NRXN3: variants seen among roughly 807,000 people sequenced by gnomAD.
The protein encoded by NRXN3 is neurexin 3.
In NRXN3, 32 loss-of-function variants were observed where a neutral mutation model predicts 137.6. That is an observed-to-expected ratio of 0.23 (90% CI 0.18 to 0.31). The LOEUF is 0.31. Ranked by LOEUF, NRXN3 falls within the 10% of genes least tolerant of loss-of-function variation. The pLI, the probability that NRXN3 is intolerant of heterozygous loss-of-function variation, is 1.00. For synonymous variants in NRXN3, 798 were observed against 784.5 expected (o/e 1.02, Z -0.29); for missense variants, 1,574 against 2,062.5 (o/e 0.76, Z 4.59).
intron 20 of NRXN3, among the ~76,000 whole-genome samples, chr14:79,825,206 CTTTT>C (rs11449914): frequency 5.9e-5 from 7 of 117,816 alleles, no homozygotes; most frequent in Non-Finnish European, 1.2e-4. Context: ...TCTTTGTGTG[CTTTT>C]TTTTTTTTTT....
chr14:78,501,514 T>A (rs2095875818), intron 4 of NRXN3, among the ~76,000 whole-genome samples: 1 of 152,170 alleles, frequency 6.6e-6, no homozygotes, highest in Non-Finnish European at 1.5e-5. Context: ...GGAAGTTATG[T>A]CCCATCACTT....
intron 15 of NRXN3, among the ~76,000 whole-genome samples, chr14:79,008,711 T>A (rs1594857916): frequency 6.8e-6 from 1 of 147,990 alleles, no homozygotes; most frequent in Admixed American, 6.9e-5. Flanking sequence ...TAGGCAGGAG[T>A]GAAGTGATGT....
At chr14:78,460,074 T>A (rs140979528) in intron 4 of NRXN3, among the ~76,000 whole-genome samples, 2 of 152,344 alleles carry the variant, frequency 1.3e-5, no homozygotes, top group East Asian at 3.9e-4. Flanking sequence ...AACGCTTTAT[T>A]TACATCTACC....
intron 19 of NRXN3, among the ~76,000 whole-genome samples, chr14:79,778,819 G>C (rs1343394124): frequency 1.3e-5 from 2 of 152,140 alleles, no homozygotes; most frequent in African/African-American, 4.8e-5. Context: ...TTTTAGATTT[G>C]TTCAGGGTTT....
At chr14:78,262,649 AGTTT>A (rs370913942) in intron 2 of NRXN3, among the ~76,000 whole-genome samples, 17 of 151,304 alleles carry the variant, frequency 1.1e-4, no homozygotes, top group African/African-American at 4.1e-4. Context: ...CACCTGCCAC[AGTTT>A]GTTTTCTCGG....
At chr14:79,091,302 G>T (rs150461439) in intron 15 of NRXN3, among the ~76,000 whole-genome samples, 86 of 152,252 alleles carry the variant, frequency 5.6e-4, no homozygotes, top group African/African-American at 2.0e-3. Context: ...GGAATGTCAA[G>T]ATAAGAAATT....
chr14:78,942,298 A>AT (rs2099354624), intron 10 of NRXN3, among the ~76,000 whole-genome samples: 1 of 152,226 alleles, frequency 6.6e-6, no homozygotes, highest in African/African-American at 2.4e-5. Flanking sequence ...AGGCTCACCT[A>AT]TAACCTTCAG....
intron 15 of NRXN3, among the ~76,000 whole-genome samples, chr14:79,257,580 A>ATGGTGGTGGTGGTGGTGGTGGTGT (rs2076948075): frequency 3.1e-5 from 1 of 32,654 alleles, no homozygotes; most frequent in African/African-American, 1.2e-4. Context: ...GGTGGTGGTG[A>ATGGTGGTGGTGGTGGTGGTGGTGT]TGGTAATGAT....
At chr14:79,757,246 TAAAG>T (rs1439547040) in intron 19 of NRXN3, among the ~76,000 whole-genome samples, 3 of 151,686 alleles carry the variant, frequency 2.0e-5, no homozygotes, top group Non-Finnish European at 4.4e-5. Flanking sequence ...GGAAAGCAAA[TAAAG>T]ATAGTTGTAA....
chr14:79,515,252 C>T (rs1400094637), intron 16 of NRXN3, among the ~76,000 whole-genome samples: 2 of 150,504 alleles, frequency 1.3e-5, no homozygotes, highest in Non-Finnish European at 2.9e-5. Flanking sequence ...AGGTGGACTG[C>T]CACAGGCAAC....
At chr14:79,373,945 G>A (rs2094186544) in intron 15 of NRXN3, among the ~76,000 whole-genome samples, 1 of 152,064 alleles carries the variant, frequency 6.6e-6, no homozygotes, top group Admixed American at 6.6e-5. Flanking sequence ...AAAACGTCAT[G>A]TTTCAGAGCT....
chr14:79,024,116 G>A (rs1479451675), intron 15 of NRXN3, among the ~76,000 whole-genome samples: 2 of 152,156 alleles, frequency 1.3e-5, no homozygotes, highest in East Asian at 3.9e-4. Flanking sequence ...TATCATTCAT[G>A]TTCAAAAAAA....
intron 1 of NRXN3, among the ~76,000 whole-genome samples, chr14:78,179,589 G>A (rs1370189018): frequency 6.6e-6 from 1 of 152,124 alleles, no homozygotes; most frequent in African/African-American, 2.4e-5. Context: ...AACTAGGGCT[G>A]CCTCTTCCCC....
At chr14:78,233,645 A>C (rs1157450686) in intron 1 of NRXN3, among the ~76,000 whole-genome samples, 2 of 151,496 alleles carry the variant, frequency 1.3e-5, no homozygotes, top group Admixed American at 1.3e-4. Flanking sequence ...CCTGGAGGGC[A>C]ATAGAGAAAC....
chr14:79,192,960 A>C (rs894090841), intron 15 of NRXN3, among the ~76,000 whole-genome samples: 1 of 151,662 alleles, frequency 6.6e-6, no homozygotes, highest in African/African-American at 2.4e-5. Flanking sequence ...TAGTAGAGAC[A>C]GGGTTTCACC....
intron 4 of NRXN3, among the ~76,000 whole-genome samples, chr14:78,540,522 G>C (rs1473885719): frequency 6.7e-6 from 1 of 149,530 alleles, no homozygotes; most frequent in Non-Finnish European, 1.5e-5. Context: ...TTGCACATGA[G>C]ATGGGTCTCC....
At chr14:79,367,334 G>A (rs2093935300) in intron 15 of NRXN3, among the ~76,000 whole-genome samples, 1 of 152,186 alleles carries the variant, frequency 6.6e-6, no homozygotes, top group African/African-American at 2.4e-5. Flanking sequence ...ACAACCATGT[G>A]GGTAGTGCAG....
At chr14:78,938,733 G>A (rs2152899590) in intron 10 of NRXN3, among the ~76,000 whole-genome samples, 1 of 152,008 alleles carries the variant, frequency 6.6e-6, no homozygotes, top group South Asian at 2.1e-4. Flanking sequence ...CCTTCTTTTT[G>A]AAATAGATGT....
chr14:78,254,779 C>T (rs991988312), intron 2 of NRXN3, among the ~76,000 whole-genome samples: 16 of 151,994 alleles, frequency 1.1e-4, no homozygotes. Flanking sequence ...TAGCCAGAGT[C>T]AGACACACCA....
Sources: allele counts gnomAD v4.1 joint callset (sites outside exome capture counted in the v4.1 genomes callset), GRCh38; gene constraint gnomAD v4.1.1; transcripts MANE v1.5; gene names NCBI Gene and HGNC (gene_info 2026-07-23, HGNC 2026-07-21).